The following CNTN5 variants were observed in gnomAD, a reference collection of about 807,000 sequenced individuals.
CNTN5 encodes the protein contactin 5.
CNTN5 carries 77 observed loss-of-function variants against 129.1 expected under a neutral mutation model. The ratio of observed to expected loss-of-function variants is 0.60; its 90% CI spans 0.50 to 0.72. CNTN5 has a LOEUF of 0.72. Among genes scored for constraint, CNTN5 ranks in the 30% least tolerant of loss-of-function variants. CNTN5 has a pLI of 0.00. For missense variants in CNTN5, 1,478 were observed against 1,328.8 expected (o/e 1.11, Z -1.75); for synonymous variants, 509 against 465.6 (o/e 1.09, Z -1.20).
chr11:99,323,068 C>G (rs1403809890), intron 1 of CNTN5, among the ~76,000 whole-genome samples: 3 of 152,132 alleles, frequency 2.0e-5, no homozygotes. Context: ...AAAGGTCATT[C>G]TTTTTCATAA....
chr11:99,566,608 T>C (rs1421582707), intron 3 of CNTN5, among the ~76,000 whole-genome samples: 2 of 152,190 alleles, frequency 1.3e-5, no homozygotes, highest in African/African-American at 2.4e-5. Context: ...ACACAGAGAA[T>C]AGCAGTGGCC....
intron 9 of CNTN5, among the ~76,000 whole-genome samples, chr11:100,007,545 C>T (rs1471072966): frequency 6.6e-6 from 1 of 152,114 alleles, no homozygotes. Context: ...TTCCTTAAAC[C>T]TTATAAACCA....
intron 3 of CNTN5, among the ~76,000 whole-genome samples, chr11:99,686,083 CATTCCACCTGTGT>C (rs1555075947): frequency 6.6e-6 from 1 of 151,502 alleles, no homozygotes; most frequent in Non-Finnish European, 1.5e-5. Flanking sequence ...CTTTTCCATT[CATTCCACCTGTGT>C]ATATATATAT....
At chr11:99,461,268 T>C (rs2726391) in intron 2 of CNTN5, among the ~76,000 whole-genome samples, 81,845 of 151,944 alleles carry the variant, frequency 0.54, 23,122 homozygotes, top group Middle Eastern at 0.71. Flanking sequence ...TCAAGGTGTA[T>C]GTTTTTGATG....
At chr11:99,077,724 C>A (rs183037573) in intron 1 of CNTN5, among the ~76,000 whole-genome samples, 290 of 152,220 alleles carry the variant, frequency 1.9e-3, no homozygotes, top group Admixed American at 4.4e-3. Context: ...TTTTCCCAAC[C>A]TGTTCTGTTA....
At chr11:100,149,378 C>T (rs1272646114) in intron 13 of CNTN5, among the ~76,000 whole-genome samples, 6 of 152,096 alleles carry the variant, frequency 3.9e-5, no homozygotes, top group African/African-American at 1.4e-4. Flanking sequence ...CAATATCTGT[C>T]TTCAAAACCA....
intron 1 of CNTN5, among the ~76,000 whole-genome samples, chr11:99,276,393 T>C (rs1863432972): frequency 6.6e-6 from 1 of 151,666 alleles, no homozygotes; most frequent in African/African-American, 2.4e-5. Flanking sequence ...AATCAATGAA[T>C]ACTTAAAACT....
At chr11:99,529,326 T>A (rs1290411062) in intron 2 of CNTN5, among the ~76,000 whole-genome samples, 1 of 152,198 alleles carries the variant, frequency 6.6e-6, no homozygotes, top group East Asian at 1.9e-4. Context: ...TCCAGTCAAG[T>A]TGACACCTAA....
intron 2 of CNTN5, among the ~76,000 whole-genome samples, chr11:99,455,324 A>G (rs1305496306): frequency 6.6e-6 from 1 of 152,182 alleles, no homozygotes; most frequent in African/African-American, 2.4e-5. Context: ...AGATATTGGG[A>G]TAACCATTAA....
At chr11:99,424,239 C>G (rs911968692) in intron 2 of CNTN5, among the ~76,000 whole-genome samples, 2 of 152,186 alleles carry the variant, frequency 1.3e-5, no homozygotes, top group Admixed American at 1.3e-4. Context: ...TGAAGACAAG[C>G]ACTACAATCT....
At chr11:99,232,214 G>A (rs547609084) in intron 1 of CNTN5, among the ~76,000 whole-genome samples, 19 of 152,042 alleles carry the variant, frequency 1.2e-4, no homozygotes, top group Non-Finnish European at 2.4e-4. Flanking sequence ...AATGGGAATC[G>A]CACTGAATCT....
chr11:99,059,596 C>A (rs199820647), intron 1 of CNTN5, among the ~76,000 whole-genome samples: 1 of 151,418 alleles, frequency 6.6e-6, no homozygotes, highest in Non-Finnish European at 1.5e-5. Context: ...ATTCACACAC[C>A]TTCTCATTGA....
intron 3 of CNTN5, among the ~76,000 whole-genome samples, chr11:99,614,607 A>T (rs936327312): frequency 6.6e-6 from 1 of 152,236 alleles, no homozygotes; most frequent in African/African-American, 2.4e-5. Flanking sequence ...TCCAGTATCC[A>T]CTGTGCATCT....
chr11:99,325,011 T>C (rs1426462098), intron 1 of CNTN5, among the ~76,000 whole-genome samples: 3 of 152,178 alleles, frequency 2.0e-5, no homozygotes, highest in African/African-American at 7.2e-5. Flanking sequence ...AATTTTCATA[T>C]TATTGTCTTA....
At chr11:99,403,214 A>T (rs1284511293) in intron 2 of CNTN5, among the ~76,000 whole-genome samples, 1 of 151,966 alleles carries the variant, frequency 6.6e-6, no homozygotes, top group Non-Finnish European at 1.5e-5. Context: ...GTTAGCCAGG[A>T]TGGTCTCAAT....
intron 13 of CNTN5, among the ~76,000 whole-genome samples, chr11:100,111,703 G>A (rs1213934666): frequency 6.6e-6 from 1 of 152,056 alleles, no homozygotes; most frequent in Non-Finnish European, 1.5e-5. Context: ...ATCCATTATT[G>A]TTGACTATAG....
At chr11:99,256,647 T>C (rs1862390173) in intron 1 of CNTN5, among the ~76,000 whole-genome samples, 1 of 152,006 alleles carries the variant, frequency 6.6e-6, no homozygotes, top group African/African-American at 2.4e-5. Flanking sequence ...CAAAAATATA[T>C]TTATGCCAAA....
intron 1 of CNTN5, among the ~76,000 whole-genome samples, chr11:99,048,086 A>G (rs1017413111): frequency 6.6e-6 from 1 of 152,124 alleles, no homozygotes; most frequent in South Asian, 2.1e-4. Context: ...AAGCTTAAAA[A>G]AAAATCATGG....
At chr11:100,242,037 A>G (rs1226654060) in intron 16 of CNTN5, among the ~76,000 whole-genome samples, 7 of 152,166 alleles carry the variant, frequency 4.6e-5, no homozygotes, top group African/African-American at 9.7e-5. Flanking sequence ...TATGCTATCC[A>G]GTGGCTTCTG....
Sources: gnomAD v4.1 joint callset for allele counts (sites outside exome capture counted in the v4.1 genomes callset) on GRCh38, gnomAD v4.1.1 for gene constraint, MANE v1.5 for transcripts, NCBI Gene and HGNC (gene_info 2026-07-23, HGNC 2026-07-21) for gene names.